The following TET2 variants were observed in gnomAD, a reference collection of about 807,000 sequenced individuals.
The protein encoded by TET2 is methylcytosine dioxygenase TET2.
A neutral mutation model predicts 142.9 loss-of-function variants in TET2; 299 were observed. That is an observed-to-expected ratio of 2.09 (90% CI 1.90 to 2.30). TET2 has a LOEUF of 2.30. Among genes scored for constraint, TET2 ranks in the 30% most tolerant of loss-of-function variants. The pLI, the probability that TET2 is intolerant of heterozygous loss-of-function variation, is 0.00. For synonymous variants in TET2, 819 were observed against 849.0 expected (o/e 0.96, Z 0.61); for missense variants, 2,418 against 2,378.0 (o/e 1.02, Z -0.35).
Position 105,234,599 on chromosome 4 carries a change from A to T in TET2, c.657A>T (p.Glu219Asp). The change falls in exon 3 of 11, where the codon GAA (glutamate) becomes GAT (aspartate). Residue 219 changes from glutamate (E) to aspartate (D), a missense_variant. Glu to Asp is a conservative substitution (Grantham distance 45). Transcript: ENST00000380013. ...NGATVSASSV[E>D]HTHGELLEKT... ...CTACAGTTTCTGCCTCTTCCGTGGAACACACACATGGTGAACTCCTGGAAA... is the reference window on the plus strand; with the variant it reads ...CTACAGTTTCTGCCTCTTCCGTGGATCACACACATGGTGAACTCCTGGAAA... The T allele has an allele frequency of 1.2e-6, 2 of 1,614,124 alleles. No individual in the cohort carries two copies. Among genetic ancestry groups the T allele is most frequent in the Non-Finnish European group, 1.7e-6 (2 of 1,179,990 alleles).
rs1211485855 is a variant in TET2 at position 105,244,380 on chromosome 4, AG to A, written c.3803+603del. On this transcript the variant is annotated intron_variant, in intron 6 of 10. Coordinates refer to ENST00000380013, the MANE Select transcript of TET2 (RefSeq NM_001127208.3). Reference sequence around the variant, plus strand: ...ATATATATTATTTTCCAGGAATATAAGAATTTAGAATAGAACTGCAAGAGTA... The same window carrying A: ...ATATATATTATTTTCCAGGAATATAAAATTTAGAATAGAACTGCAAGAGTA... Among the ~76,000 whole-genome samples, 3 of 152,294 alleles carry A rather than the reference AG, an allele frequency of 2.0e-5. No individual in the cohort carries two copies. In the East Asian group the frequency reaches 5.8e-4, roughly 29 times the overall value.
Position 105,243,655 on chromosome 4 carries a change from T to C in TET2, c.3680T>C (p.Val1227Ala). 1 of 1,551,608 alleles carries C rather than the reference T, an allele frequency of 6.4e-7. No individual in the cohort carries two copies. The highest frequency in any genetic ancestry group is 8.7e-7 in the Non-Finnish European group (1 of 1,146,948). ...CACACCTGTGAGGCTGCAGTGATTG[T>C]GATTCTCATCCTGGTGTGGGAAGGA... ...AGHTCEAAVI[V>A]ILILVWEGIP... The change falls in exon 6 of 11, where the codon GTG (valine) becomes GCG (alanine). Residue 1227 changes from valine to alanine, a missense_variant. Transcript: ENST00000380013.
In TET2 at chr4:105,261,774, T is replaced by A. The variant is rs1283545990; in HGVS notation, c.3970T>A (p.Ser1324Thr). Reference protein sequence around the residue: ...DDPKEEEKLESHLQNLSTLMA... With the variant: ...DDPKEEEKLETHLQNLSTLMA... ...CTTTATACAGGAAGAGAAACTGGAG[T>A]CTCATTTGCAAAACCTGTCCACTCT... The change falls in exon 8 of 11, where the codon TCT becomes ACT. Residue 1324 changes from serine (S) to threonine (T), a missense_variant. Physicochemically the swap from Ser to Thr is moderately conservative, Grantham distance 58. Transcript: ENST00000380013. 4.5e-6 allele frequency: 7 copies of A among 1,546,660 alleles called. No individual in the cohort carries two copies. The Admixed American group carries it at 7.9e-5, about 17-fold the overall frequency.
At chr4:105,163,576 A>C (rs1286532533) in intron 1 of TET2, among the ~76,000 whole-genome samples, 1 of 152,128 alleles carries the variant, frequency 6.6e-6, no homozygotes, top group South Asian at 2.1e-4. Flanking sequence ...TCCAAAGATT[A>C]TCTAATTCTT....
chr4:105,270,050 C>T (rs906162327), intron 9 of TET2, among the ~76,000 whole-genome samples: 1 of 152,174 alleles, frequency 6.6e-6, no homozygotes, highest in African/African-American at 2.4e-5. Flanking sequence ...AATTACCTCC[C>T]ACTGGGTCCT....
Position 105,235,014 on chromosome 4 carries a change from A to G in TET2, c.1072A>G (p.Ser358Gly), listed in dbSNP as rs764469760. The change falls in exon 3 of 11, where the codon AGC (serine) becomes GGC (glycine). Residue 358 changes from serine (S) to glycine (G), a missense_variant. Physicochemically the swap from Ser to Gly is moderately conservative, Grantham distance 56. Transcript: ENST00000380013. ...SGEEFCSGSS[S>G]NLQAPGGSSE... ...TGAAGAATTCTGTTCAGGTTCCAGC[A>G]GCAATTTGCAAGCTCCTGGTGGCAG... 24 of 1,614,056 alleles carry G rather than the reference A, an allele frequency of 1.5e-5. No individual in the cohort carries two copies. The highest frequency in any genetic ancestry group is 3.3e-5 in the Admixed American group (2 of 60,002).
At position 105,204,021 on chromosome 4, in the gene TET2, C is replaced by T. The variant is rs528100999; in HGVS notation, c.-47+13516C>T. Among the ~76,000 whole-genome samples the T allele has an allele frequency of 7.9e-5, 12 of 151,818 alleles. No homozygotes were observed. The South Asian group carries it at 1.7e-3, about 21-fold the overall frequency. On this transcript the variant is annotated intron_variant, in intron 2 of 10. Transcript: ENST00000380013. ...TTTGAGACCAGCCTAGCCAATATGG[C>T]GAAACCCTCTCTACTAAAAATACAA...
chr4:105,242,266 TTTTTTTTGTTG>T (rs1729345535), intron 4 of TET2: 9 of 1,078,766 alleles, frequency 8.3e-6, no homozygotes, highest in Non-Finnish European at 1.0e-5. Flanking sequence ...CCTAAGTGCC[TTTTTTTTGTTG>T]TTTTTTTGTT....
At chr4:105,166,447 A>G (rs1724153379) in intron 1 of TET2, among the ~76,000 whole-genome samples, 1 of 151,934 alleles carries the variant, frequency 6.6e-6, no homozygotes, top group Admixed American at 6.6e-5. Flanking sequence ...TCTTAATTAT[A>G]CCATTTGATG....
At chr4:105,223,712 A>G (rs1423053005) in intron 2 of TET2, among the ~76,000 whole-genome samples, 13 of 152,314 alleles carry the variant, frequency 8.5e-5, no homozygotes, top group African/African-American at 2.4e-4. Flanking sequence ...AATGCCATCT[A>G]TGCAGGAGGT....
At position 105,277,213 on chromosome 4, in the gene TET2, T is replaced by C. The variant is rs1039914677; in HGVS notation, c.*694T>C. On this transcript the variant is annotated 3_prime_UTR_variant, in exon 11 of 11. Coordinates refer to ENST00000380013, the MANE Select transcript of TET2 (RefSeq NM_001127208.3). ...CTCCAGTGCCCTTGAATAATAGGGGTACCTTTTCATTCAAGTTTTTATCAT... is the reference window on the plus strand; with the variant it reads ...CTCCAGTGCCCTTGAATAATAGGGGCACCTTTTCATTCAAGTTTTTATCAT... The C allele has an allele frequency of 9.6e-5, 22 of 228,472 alleles. No individual in the cohort carries two copies. The highest frequency in any genetic ancestry group is 9.1e-4 in the Admixed American group (16 of 17,638). The allele number at this position is 228,472 out of a possible 1,614,324, so 14.2% of individuals were successfully genotyped here.
intron 1 of TET2, among the ~76,000 whole-genome samples, chr4:105,174,656 G>A (rs1367444270): frequency 1.3e-5 from 2 of 152,112 alleles, no homozygotes; most frequent in Non-Finnish European, 2.9e-5. Context: ...GTTCAGTGTG[G>A]CAAGTCTGAG....
At chr4:105,229,011 T>C (rs76173103) in intron 2 of TET2, among the ~76,000 whole-genome samples, 2,047 of 152,250 alleles carry the variant, frequency 0.013, 45 homozygotes, top group African/African-American at 0.045. Context: ...TTAAAACAAG[T>C]GAAAAAGAAA....
chr4:105,255,657 A>G (rs961927154), intron 6 of TET2, among the ~76,000 whole-genome samples: 1 of 152,048 alleles, frequency 6.6e-6, no homozygotes, highest in African/African-American at 2.4e-5. Context: ...TATTACATGT[A>G]TGTTTACATT....
intron 1 of TET2, among the ~76,000 whole-genome samples, chr4:105,157,767 T>C (rs1174294854): frequency 6.6e-6 from 1 of 152,088 alleles, no homozygotes; most frequent in East Asian, 1.9e-4. Context: ...GCCTCCTCCT[T>C]CTGGGTTCAA....
At position 105,261,734 on chromosome 4, in the gene TET2, A is replaced by G. The variant is rs1730440513; in HGVS notation, c.3955-25A>G. On this transcript the variant is annotated intron_variant, in intron 7 of 10. Transcript: ENST00000380013. ...AGAGAAAATGGACTTAGAATTTAAT[A>G]TGTAGAATTATTCACTTTATACAGG... is the stretch of plus-strand genomic sequence containing the variant. 10 of 1,378,500 alleles carry G rather than the reference A, an allele frequency of 7.3e-6. No homozygotes were observed. The East Asian group carries it at 2.0e-4, about 28-fold the overall frequency. The allele number at this position is 1,378,500 out of a possible 1,614,324, so 85.4% of individuals were successfully genotyped here.
chr4:105,236,993 T>TA lies in TET2; in HGVS notation c.3053dup (p.Asn1018LysfsTer9), dbSNP rs1367036021. On this transcript the variant is annotated frameshift_variant, in exon 3 of 11. Coordinates refer to ENST00000380013, the MANE Select transcript of TET2 (RefSeq NM_001127208.3). LOFTEE classifies it high-confidence loss of function. ...AAGAGAATCCACCTGCAAGCTGTGA[T>TA]AATGTGCAGCAAAAGAGCATCATTG... 2 of 1,614,032 alleles carry TA rather than the reference T, an allele frequency of 1.2e-6. No homozygotes were observed. The highest frequency in any genetic ancestry group is 8.5e-7 in the Non-Finnish European group (1 of 1,180,030).
intron 6 of TET2, among the ~76,000 whole-genome samples, chr4:105,249,906 T>C (rs888084240): frequency 5.3e-5 from 8 of 152,360 alleles, no homozygotes; most frequent in African/African-American, 1.9e-4. Context: ...TAAATTGATT[T>C]TGATGAAACT....
chr4:105,152,230 G>A (rs576469724), intron 1 of TET2, among the ~76,000 whole-genome samples: 7 of 152,028 alleles, frequency 4.6e-5, no homozygotes, highest in African/African-American at 1.2e-4. Flanking sequence ...GCGGTGAGCC[G>A]AGATGGCTCT....
Sources: allele counts gnomAD v4.1 joint callset (sites outside exome capture counted in the v4.1 genomes callset), GRCh38; gene constraint gnomAD v4.1.1; transcripts MANE v1.5; gene names NCBI Gene and HGNC (gene_info 2026-07-23, HGNC 2026-07-21).